SMPDL3A: variants seen among roughly 807,000 people sequenced by gnomAD.
The protein encoded by SMPDL3A is cyclic GMP-AMP phosphodiesterase SMPDL3A.
Under a neutral mutation model 38.5 loss-of-function variants are expected in SMPDL3A, and 39 were observed. The ratio of observed to expected loss-of-function variants is 1.01; its 90% CI spans 0.78 to 1.32. The LOEUF is 1.32. Among genes scored for constraint, SMPDL3A ranks in the 40% most tolerant of loss-of-function variants. The probability of loss-of-function intolerance (pLI) is 0.00; values close to 1 mark genes in which losing one functional copy is unlikely to be tolerated. For synonymous variants in SMPDL3A, 180 were observed against 194.3 expected (o/e 0.93, Z 0.61); for missense variants, 502 against 536.2 (o/e 0.94, Z 0.63).
intron 3 of SMPDL3A, among the ~76,000 whole-genome samples, chr6:122,799,733 G>A (rs1347964644): frequency 3.9e-5 from 6 of 152,070 alleles, no homozygotes; most frequent in Admixed American, 3.9e-4. Context: ...GTATCTATAT[G>A]TTCATCATGT....
chr6:122,807,295 G>A (rs962196050), intron 7 of SMPDL3A, among the ~76,000 whole-genome samples: 2 of 152,098 alleles, frequency 1.3e-5, no homozygotes, highest in Admixed American at 1.3e-4. Context: ...TCAGGAAATC[G>A]AGACCATATT....
chr6:122,803,363 AACTC>A, intron 4 of SMPDL3A, among the ~76,000 whole-genome samples: 1 of 152,204 alleles, frequency 6.6e-6, no homozygotes, highest in East Asian at 1.9e-4. Context: ...TCTTTCATAA[AACTC>A]AATCTCATTG....
intron 5 of SMPDL3A, 126 bp from the exon 6 acceptor site, chr6:122,804,783 G>T: frequency 1.4e-6 from 1 of 724,278 alleles, no homozygotes; most frequent in Non-Finnish European, 2.3e-6. Context: ...ATAAATAGAA[G>T]AGATGATATA....
intron 1 of SMPDL3A, 98 bp downstream of exon 1, chr6:122,789,556 C>T: frequency 8.9e-7 from 1 of 1,124,252 alleles, no homozygotes; most frequent in South Asian, 1.4e-5. Flanking sequence ...CAGCTGCCCC[C>T]GGCAGAGGCT....
intron 4 of SMPDL3A, among the ~76,000 whole-genome samples, chr6:122,801,736 G>A (rs1781435022): frequency 6.6e-6 from 1 of 152,232 alleles, no homozygotes; most frequent in Non-Finnish European, 1.5e-5. Context: ...AGAGAGAATG[G>A]ACACTAACTT....
intron 3 of SMPDL3A, chr6:122,797,240 ATCT>A (rs1215105893): frequency 3.2e-6 from 1 of 316,082 alleles, no homozygotes; most frequent in Non-Finnish European, 5.7e-6. Context: ...TTCCTTCATA[ATCT>A]TCTTCAATTT....
chr6:122,793,166 AT>A (rs1354907641), intron 1 of SMPDL3A, among the ~76,000 whole-genome samples: 2 of 152,236 alleles, frequency 1.3e-5, no homozygotes, highest in Non-Finnish European at 2.9e-5. Context: ...AAGTACTTGA[AT>A]TTTAAGTATT....
intron 7 of SMPDL3A, among the ~76,000 whole-genome samples, chr6:122,806,731 G>A (rs1306411099): frequency 1.3e-5 from 2 of 151,770 alleles, no homozygotes; most frequent in Non-Finnish European, 2.9e-5. Context: ...TCCCTCTCAT[G>A]AGCCATTATT....
At position 122,806,447 on chromosome 6, in the gene SMPDL3A, T is replaced by C. The variant is rs1781624437; in HGVS notation, c.1044+90T>C. 3 of 1,304,182 alleles carry C rather than the reference T, an allele frequency of 2.3e-6. No individual in the cohort carries two copies. In the Admixed American group the frequency reaches 6.4e-5, roughly 28 times the overall value. 80.8% of individuals were successfully genotyped at this position (1,304,182 alleles called of 1,614,324 possible). ...AGTTGAATTTTTCTCAGGACAGTCATGTGAGATGTATTTTATGTTGAAATC... is the reference window on the plus strand; with the variant it reads ...AGTTGAATTTTTCTCAGGACAGTCACGTGAGATGTATTTTATGTTGAAATC... On this transcript the variant is annotated intron_variant, in intron 7 of 7. Coordinates refer to ENST00000368440, the MANE Select transcript of SMPDL3A (RefSeq NM_006714.5).
chr6:122,803,161 G>T (rs2115172044), intron 4 of SMPDL3A, among the ~76,000 whole-genome samples: 1 of 152,268 alleles, frequency 6.6e-6, no homozygotes, highest in South Asian at 2.1e-4. Flanking sequence ...CAGTGGTTCA[G>T]AGGCGTGGGT....
At position 122,809,165 on chromosome 6, in the gene SMPDL3A, C is replaced by A. The variant is rs144769762; in HGVS notation, c.1119C>A (p.Ile373=). The A allele has an allele frequency of 2.3e-3, 3,710 of 1,614,054 alleles. 7 individuals are homozygous for A. The highest frequency in any genetic ancestry group is 4.4e-3 in the Admixed American group (265 of 60,006). ...AGTCCATCTGGAAGCTGGAGTATATCCTGACCCAGACCTACGACATTGAAG... is the reference window on the plus strand; with the variant it reads ...AGTCCATCTGGAAGCTGGAGTATATACTGACCCAGACCTACGACATTGAAG... ...KGESIWKLEY[I]LTQTYDIEDL... is the part of the protein sequence containing the mutation. The change falls in exon 8 of 8, where the codon ATC becomes ATA. Residue 373 remains isoleucine, a synonymous_variant. Coordinates refer to ENST00000368440, the MANE Select transcript of SMPDL3A (RefSeq NM_006714.5).
In SMPDL3A at chr6:122,809,141, G is replaced by A. The variant is rs751050466; in HGVS notation, c.1095G>A (p.Glu365=). 7.4e-6 allele frequency: 12 copies of A among 1,613,974 alleles called. No homozygotes were observed. Among genetic ancestry groups the A allele is most frequent in the African/African-American group, 2.7e-5 (2 of 74,920 alleles). ...TGACAGAGGCGAATCTAAAGGGAGA[G>A]TCCATCTGGAAGCTGGAGTATATCC... The part of the protein sequence containing the change: ...LNLTEANLKG[E]SIWKLEYILT... The change falls in exon 8 of 8, where the codon GAG becomes GAA. Residue 365 remains glutamate, a synonymous_variant. Coordinates refer to ENST00000368440, the MANE Select transcript of SMPDL3A (RefSeq NM_006714.5).
Position 122,789,340 on chromosome 6 carries a change from G to A in SMPDL3A, c.-7G>A, listed in dbSNP as rs1436745628. 6 of 1,540,240 alleles carry A rather than the reference G, an allele frequency of 3.9e-6. No individual in the cohort carries two copies. In the Admixed American group the frequency reaches 7.9e-5, roughly 20 times the overall value. On this transcript the variant is annotated 5_prime_UTR_variant, in exon 1 of 8. Transcript: ENST00000368440. ...CCCGAACCTCCAGGTCAGCCCCGCG[G>A]CCCTCCATGGCGCTGGTGCGCGCAC... is the stretch of plus-strand genomic sequence containing the variant.
intron 1 of SMPDL3A, among the ~76,000 whole-genome samples, chr6:122,795,285 G>T (rs1303519260): frequency 1.3e-5 from 2 of 152,134 alleles, no homozygotes; most frequent in African/African-American, 2.4e-5. Context: ...GGGATTACAG[G>T]CGTGTGCCAC....
At chr6:122,807,081 T>TG (rs112687449) in intron 7 of SMPDL3A, among the ~76,000 whole-genome samples, 3,801 of 140,148 alleles carry the variant, frequency 0.027, 58 homozygotes, top group African/African-American at 0.053. Context: ...ATTGTAGAGA[T>TG]GGGGGGGGGG....
At position 122,789,258 on chromosome 6, in the gene SMPDL3A, G is replaced by T; in HGVS notation, c.-89G>T. The T allele has an allele frequency of 2.2e-6, 2 of 905,890 alleles. No homozygotes were observed. The allele number at this position is 905,890 out of a possible 1,614,324, so 56.1% of individuals were successfully genotyped here. A position where few individuals can be genotyped will look rare whatever the true frequency, so the allele number is the denominator to read the frequency against. On this transcript the variant is annotated 5_prime_UTR_variant, in exon 1 of 8. Transcript: ENST00000368440. ...CAGTCGGACGTCTACACCCGCAGCC[G>T]TCTTCTGTCTCCGCCTCACCCTCAG...
chr6:122,809,047 G>A (rs781018548), intron 7 of SMPDL3A, 44 bp from the exon 8 acceptor site: 10 of 1,459,432 alleles, frequency 6.9e-6, no homozygotes, highest in Middle Eastern at 1.7e-4. Context: ...AATGCCTTAT[G>A]TGCCAAAAAG....
chr6:122,795,150 C>CT (rs968043839), intron 1 of SMPDL3A, among the ~76,000 whole-genome samples: 52 of 151,090 alleles, frequency 3.4e-4, no homozygotes, highest in Middle Eastern at 3.4e-3. Context: ...CTCATCGGTT[C>CT]TTTTTTTTTG....
At chr6:122,808,625 T>TCCTCCCTC (rs1781732351) in intron 7 of SMPDL3A, among the ~76,000 whole-genome samples, 2 of 100,772 alleles carry the variant, frequency 2.0e-5, no homozygotes, top group Admixed American at 9.7e-5. Flanking sequence ...CTTCCTTCCT[T>TCCTCCCTC]CCTTCCTTCC....
Sources: allele counts gnomAD v4.1 joint callset (sites outside exome capture counted in the v4.1 genomes callset), GRCh38; gene constraint gnomAD v4.1.1; transcripts MANE v1.5; gene names NCBI Gene and HGNC (gene_info 2026-07-23, HGNC 2026-07-21).